The following SLC12A6 variants were observed in gnomAD, a reference collection of about 807,000 sequenced individuals.
SLC12A6 encodes the protein solute carrier family 12 member 6, also known as K-Cl cotransporter 3.
A neutral mutation model predicts 135.3 loss-of-function variants in SLC12A6; 66 were observed. The observed-to-expected ratio is 0.49, with a 90% CI of 0.40 to 0.60. The LOEUF (loss-of-function observed/expected upper bound fraction) is 0.60. Among genes scored for constraint, SLC12A6 ranks in the 20% least tolerant of loss-of-function variants. The pLI is 0.00. For synonymous variants in SLC12A6, 513 were observed against 508.8 expected (o/e 1.01, Z -0.11); for missense variants, 1,058 against 1,452.3 (o/e 0.73, Z 4.41).
chr15:34,263,570 A>T (rs1422793387), intron 3 of SLC12A6, among the ~76,000 whole-genome samples: 1 of 152,216 alleles, frequency 6.6e-6, no homozygotes, highest in Non-Finnish European at 1.5e-5. Flanking sequence ...CAGGCCCATA[A>T]GACAGCAAAC....
intron 2 of SLC12A6, among the ~76,000 whole-genome samples, chr15:34,317,269 A>G (rs532007817): frequency 1.3e-4 from 20 of 152,394 alleles, no homozygotes; most frequent in African/African-American, 4.8e-4. Flanking sequence ...ATTTTCCTTA[A>G]AAGTTTGCAT....
intron 2 of SLC12A6, among the ~76,000 whole-genome samples, chr15:34,303,137 C>A (rs1299321635): frequency 2.6e-5 from 4 of 151,888 alleles, no homozygotes; most frequent in Non-Finnish European, 4.4e-5. Context: ...TTGGCCTAAA[C>A]AACAAATTAG....
chr15:34,267,499 A>T (rs543475447), intron 3 of SLC12A6, among the ~76,000 whole-genome samples: 6 of 152,206 alleles, frequency 3.9e-5, no homozygotes, highest in Non-Finnish European at 8.8e-5. Context: ...AATATTTAAG[A>T]GCATCCCTGG....
At chr15:34,304,324 G>A (rs1232813078) in intron 2 of SLC12A6, among the ~76,000 whole-genome samples, 1 of 152,144 alleles carries the variant, frequency 6.6e-6, no homozygotes, top group East Asian at 1.9e-4. Flanking sequence ...TCAGCTGGAG[G>A]ACATTTGGGC....
In SLC12A6 at chr15:34,236,806, C is replaced by A; in HGVS notation, c.2944G>T (p.Asp982Tyr). 1 of 1,596,062 alleles carries A rather than the reference C, an allele frequency of 6.3e-7. No individual in the cohort carries two copies. The highest frequency in any genetic ancestry group is 1.1e-5 in the South Asian group (1 of 90,728). Residue 982 changes from aspartate to tyrosine, a missense_variant, in exon 23 of 26, where the codon GAT becomes TAT. This residue lies in a region of SLC12A6 where 245 missense variants were observed against 440.8 expected (regional missense o/e 0.56). Coordinates refer to ENST00000354181, the MANE Select transcript of SLC12A6 (RefSeq NM_001365088.1). ...EVEVVEMHDS[D>Y]ISAYTYERTL... The stretch of plus-strand genomic sequence containing the variant: ...CGCTCGTAAGTATATGCTGATATAT[C>A]ACTGTCATGCTGCCATAGACATCAC...
At chr15:34,262,878 G>A (rs531686658) in intron 3 of SLC12A6, among the ~76,000 whole-genome samples, 17 of 152,288 alleles carry the variant, frequency 1.1e-4, no homozygotes, top group African/African-American at 2.4e-4. Context: ...GCATTGGAGC[G>A]CAAGCCAGGC....
chr15:34,254,257 T>C (rs976246071), intron 9 of SLC12A6, 91 bp downstream of exon 9: 1 of 1,296,608 alleles, frequency 7.7e-7, no homozygotes, highest in African/African-American at 1.5e-5. Flanking sequence ...TCAGAGAGAC[T>C]CTATGAAATT....
At chr15:34,282,203 T>TGGG (rs2140919959) in intron 2 of SLC12A6, among the ~76,000 whole-genome samples, 1 of 152,296 alleles carries the variant, frequency 6.6e-6, no homozygotes, top group African/African-American at 2.4e-5. Flanking sequence ...AGAAACGGTT[T>TGGG]GGGGCAGGGA....
chr15:34,320,648 G>A (rs1889011644), intron 2 of SLC12A6, among the ~76,000 whole-genome samples: 1 of 150,812 alleles, frequency 6.6e-6, no homozygotes, highest in Admixed American at 6.6e-5. Flanking sequence ...TGGGTGAGGT[G>A]GCTCATGCCT....
In SLC12A6 at chr15:34,236,142, C is replaced by T. The variant is rs1891247691; in HGVS notation, c.3100G>A (p.Glu1034Lys). 1 of 1,613,782 alleles carries T rather than the reference C, an allele frequency of 6.2e-7. No homozygotes were observed. The highest frequency in any genetic ancestry group is 8.5e-7 in the Non-Finnish European group (1 of 1,179,778). Residue 1034 changes from glutamate to lysine, a missense_variant, in exon 24 of 26, where the codon GAG becomes AAG. By Grantham distance (56) the Glu-to-Lys change is moderately conservative (BLOSUM62 1). Coordinates refer to ENST00000354181, the MANE Select transcript of SLC12A6 (RefSeq NM_001365088.1). The stretch of plus-strand genomic sequence containing the variant: ...TGATAGGTTTCTGTCTCTTCGTCCT[C>T]ATCAGAGCCAATGCTGGTCAATCGT... ...MLRLTSIGSD[E>K]DEETETYQEK...
intron 3 of SLC12A6, among the ~76,000 whole-genome samples, chr15:34,263,866 TAATAC>T (rs931614033): frequency 1.3e-5 from 2 of 152,068 alleles, no homozygotes; most frequent in Non-Finnish European, 2.9e-5. Context: ...CAAAATGGAA[TAATAC>T]AAACATTAAA....
At chr15:34,251,097 G>A (rs746034323) in intron 10 of SLC12A6, 40 bp from the exon 11 acceptor site, 25 of 956,566 alleles carry the variant, frequency 2.6e-5, no homozygotes, top group Admixed American at 1.0e-4. Context: ...GCAGCAGTAT[G>A]AAAAAAAAAA....
At chr15:34,246,159 T>G (rs547579364) in intron 13 of SLC12A6, among the ~76,000 whole-genome samples, 3 of 152,240 alleles carry the variant, frequency 2.0e-5, no homozygotes, top group African/African-American at 7.2e-5. Flanking sequence ...TCTCGAACTC[T>G]TGGCCTCAAG....
Position 34,250,900 on chromosome 15 carries a change from T to C in SLC12A6, c.1491A>G (p.Thr497=). 6.2e-7 allele frequency: 1 copy of C among 1,609,628 alleles called. No homozygotes were observed. The highest frequency in any genetic ancestry group is 1.7e-4 in the Middle Eastern group (1 of 6,054). ...ATATACAACAGCCTATGTGTTTACC[T>C]GTAACAGAGGGAAAGAAGATTCCCA... The part of the protein sequence containing the change: ...LLVGIFFPSV[T]GIMAGSNRSG... The change falls in exon 11 of 26, where the codon ACA becomes ACG. Residue 497 remains threonine, a splice_region_variant and synonymous_variant. Transcript: ENST00000354181.
chr15:34,274,989 CA>C (rs1894201595), intron 3 of SLC12A6, among the ~76,000 whole-genome samples: 1 of 151,840 alleles, frequency 6.6e-6, no homozygotes, highest in African/African-American at 2.4e-5. Flanking sequence ...AAAAGGGGAT[CA>C]AAAGGCCAAG....
At chr15:34,333,641 T>A (rs369021823) in intron 2 of SLC12A6, among the ~76,000 whole-genome samples, 1 of 152,314 alleles carries the variant, frequency 6.6e-6, no homozygotes, top group East Asian at 1.9e-4. Flanking sequence ...GATTCTTGAT[T>A]TTACCAACTG....
intron 13 of SLC12A6, 114 bp downstream of exon 13, chr15:34,250,184 C>T (rs1039427833): frequency 2.5e-6 from 2 of 785,196 alleles, no homozygotes; most frequent in Middle Eastern, 2.3e-4. Flanking sequence ...GGATTACAGG[C>T]ATGAGCCACG....
intron 2 of SLC12A6, among the ~76,000 whole-genome samples, chr15:34,300,580 T>A (rs1416476535): frequency 6.6e-6 from 1 of 151,988 alleles, no homozygotes; most frequent in Non-Finnish European, 1.5e-5. Context: ...GAGGATCACT[T>A]GAGCCCAGAC....
In SLC12A6 at chr15:34,245,421, A is replaced by G. The variant is rs766395406; in HGVS notation, c.1825-18T>C. 2.2e-6 allele frequency: 3 copies of G among 1,372,684 alleles called. No homozygotes were observed. The highest frequency in any genetic ancestry group is 1.7e-5 in the Admixed American group (1 of 59,762). The allele number at this position is 1,372,684 out of a possible 1,614,324, so 85.0% of individuals were successfully genotyped here. ...CCAAAAACCTGTACACAGAAGGGAA[A>G]TATCAGGCACAGGAGTACTGAGTCA... On this transcript the variant is annotated intron_variant, in intron 14 of 25. Coordinates refer to ENST00000354181, the MANE Select transcript of SLC12A6 (RefSeq NM_001365088.1).
Sources: allele counts gnomAD v4.1 joint callset (sites outside exome capture counted in the v4.1 genomes callset), GRCh38; gene constraint gnomAD v4.1.1; regional missense constraint gnomAD v4.1.1; transcripts MANE v1.5; gene names NCBI Gene and HGNC (gene_info 2026-07-23, HGNC 2026-07-21).